NUMB: variants seen among roughly 807,000 people sequenced by gnomAD.
NUMB encodes the protein NUMB endocytic adaptor protein.
NUMB carries 29 observed loss-of-function variants against 59.7 expected under a neutral mutation model. The observed-to-expected ratio is 0.49, with a 90% confidence interval of 0.36 to 0.66. The LOEUF is 0.66. Among genes scored for constraint, NUMB ranks in the 30% least tolerant of loss-of-function variants. NUMB has a pLI of 0.00. For synonymous variants in NUMB, 288 were observed against 288.2 expected, an observed-to-expected ratio of 1.00 and a Z score of 0.01; for missense variants, 723 against 822.0, an observed-to-expected ratio of 0.88 and a Z score of 1.47.
chr14:73,353,891 T>G (rs1893621149), intron 4 of NUMB, among the ~76,000 whole-genome samples: 1 of 151,998 alleles, frequency 6.6e-6, no homozygotes, highest in African/African-American at 2.4e-5. Flanking sequence ...AAGTGTTCAT[T>G]TTTATGTAAG....
At chr14:73,299,450 C>T (rs528143285) in intron 6 of NUMB, 1 of 152,024 alleles carries the variant, frequency 6.6e-6, no homozygotes, top group Admixed American at 6.6e-5. Flanking sequence ...GTTTCCAGCC[C>T]GTTGGCCTGC....
intron 5 of NUMB, among the ~76,000 whole-genome samples, chr14:73,319,940 G>A (rs1160693111): frequency 6.6e-6 from 1 of 152,188 alleles, no homozygotes; most frequent in East Asian, 1.9e-4. Context: ...GACCACCCTG[G>A]CCAACACGGT....
Position 73,322,952 on chromosome 14 carries a change from A to G in NUMB, c.201+178T>C, listed in dbSNP as rs375450943. On this transcript the variant is annotated intron_variant, in intron 5 of 12. Transcript: ENST00000555238. The stretch of plus-strand genomic sequence containing the variant: ...GTAATCCTCCTGCCTCAGCCTCCCA[A>G]AGTGCTAGGATTACAGGAGTGAGCC... 5 of 466,690 alleles carry G rather than the reference A, an allele frequency of 1.1e-5. No homozygotes were observed. The East Asian group carries it at 1.1e-4, about 10-fold the overall frequency. The allele number at this position is 466,690 out of a possible 1,614,324, so 28.9% of individuals were successfully genotyped here. A position where few individuals can be genotyped will look rare whatever the true frequency, so the allele number is the denominator to read the frequency against.
chr14:73,284,925 G>C (rs1594860275), intron 9 of NUMB: 1 of 152,300 alleles, frequency 6.6e-6, no homozygotes, highest in African/African-American at 2.4e-5. Flanking sequence ...TTGGCTCACT[G>C]CAACCTCCAC....
At chr14:73,443,939 CTCTGTCCCCCCACGCAGGA>C (rs1268123394) in intron 1 of NUMB, among the ~76,000 whole-genome samples, 1 of 133,474 alleles carries the variant, frequency 7.5e-6, no homozygotes, top group Non-Finnish European at 1.6e-5. Context: ...CAAAGTCTCA[CTCTGTCCCCCCACGCAGGA>C]GTGCAGTGGC....
At chr14:73,337,716 A>C (rs779805793) in intron 4 of NUMB, among the ~76,000 whole-genome samples, 2 of 152,206 alleles carry the variant, frequency 1.3e-5, no homozygotes, top group Non-Finnish European at 2.9e-5. Context: ...TTCATAGACT[A>C]TATTATTGTG....
At chr14:73,289,664 T>A (rs911874580) in intron 8 of NUMB, among the ~76,000 whole-genome samples, 5 of 152,230 alleles carry the variant, frequency 3.3e-5, no homozygotes, top group African/African-American at 1.2e-4. Flanking sequence ...TTTTTAAAAA[T>A]TTTTAAACTT....
intron 4 of NUMB, among the ~76,000 whole-genome samples, chr14:73,324,813 A>C (rs1486911743): frequency 6.6e-6 from 1 of 152,178 alleles, no homozygotes; most frequent in Non-Finnish European, 1.5e-5. Flanking sequence ...TACTATGGAA[A>C]TGGCAAGGAA....
intron 2 of NUMB, among the ~76,000 whole-genome samples, chr14:73,406,881 A>G (rs1478793207): frequency 6.6e-6 from 1 of 151,998 alleles, no homozygotes; most frequent in African/African-American, 2.4e-5. Context: ...TGTTGGCTGC[A>G]TTAATGTCTT....
intron 7 of NUMB, among the ~76,000 whole-genome samples, chr14:73,293,357 A>ATTTTTCAG (rs1331530709): frequency 2.9e-5 from 4 of 139,188 alleles, no homozygotes; most frequent in Non-Finnish European, 4.7e-5. Flanking sequence ...CAGATACTGT[A>ATTTTTCAG]TTTTTCAGGT....
chr14:73,380,512 A>G lies in NUMB; in HGVS notation c.-100-13531T>C, dbSNP rs116463583. On this transcript the variant is annotated intron_variant, in intron 2 of 12. Transcript: ENST00000555238. ...CTCTAGCACACATGTCACTTTCATC[A>G]TTAAATAGTCTTAACCCCCAACTCT... Among the ~76,000 whole-genome samples, 809 of 152,298 alleles carry G rather than the reference A, an allele frequency of 5.3e-3. 4 individuals are homozygous for G. Among genetic ancestry groups the G allele is most frequent in the African/African-American group, 0.019 (773 of 41,580 alleles).
At chr14:73,405,811 C>T (rs1355936328) in intron 2 of NUMB, among the ~76,000 whole-genome samples, 1 of 152,072 alleles carries the variant, frequency 6.6e-6, no homozygotes, top group African/African-American at 2.4e-5. Context: ...TCTCTCTGTC[C>T]ATAGGAAAGT....
At chr14:73,280,896 G>A (rs1888588153) in intron 11 of NUMB, among the ~76,000 whole-genome samples, 1 of 151,888 alleles carries the variant, frequency 6.6e-6, no homozygotes, top group Non-Finnish European at 1.5e-5. Context: ...GTTTCACCAT[G>A]TTGGCTAGGC....
intron 2 of NUMB, among the ~76,000 whole-genome samples, chr14:73,405,469 A>C (rs1594998526): frequency 1.7e-5 from 2 of 120,570 alleles, no homozygotes; most frequent in African/African-American, 3.3e-5. Context: ...ACAGGATCTC[A>C]CTCTGTTGCC....
intron 4 of NUMB, among the ~76,000 whole-genome samples, chr14:73,343,419 T>C (rs1045150985): frequency 6.6e-6 from 1 of 152,178 alleles, no homozygotes. Flanking sequence ...AAATATGATA[T>C]AGTAACTACG....
chr14:73,427,097 G>A (rs983459164), intron 1 of NUMB, among the ~76,000 whole-genome samples: 1 of 152,166 alleles, frequency 6.6e-6, no homozygotes, highest in African/African-American at 2.4e-5. Context: ...TATTTATAAA[G>A]AAGGCTGAAA....
At chr14:73,398,651 C>T (rs996424626) in intron 2 of NUMB, among the ~76,000 whole-genome samples, 1 of 151,812 alleles carries the variant, frequency 6.6e-6, no homozygotes, top group Admixed American at 6.6e-5. Flanking sequence ...GATGCCCAAC[C>T]TCACAATCAA....
At chr14:73,292,040 G>C (rs1484841346) in intron 8 of NUMB, among the ~76,000 whole-genome samples, 1 of 151,520 alleles carries the variant, frequency 6.6e-6, no homozygotes, top group Non-Finnish European at 1.5e-5. Context: ...TTGTTTTTTT[G>C]TTTTGTTCTG....
At chr14:73,327,409 A>G (rs549822384) in intron 4 of NUMB, among the ~76,000 whole-genome samples, 68 of 152,232 alleles carry the variant, frequency 4.5e-4, no homozygotes, top group African/African-American at 1.4e-3. Flanking sequence ...GGCGTGTGCC[A>G]CCACACCCAG....
Sources: gnomAD v4.1 joint callset for allele counts (sites outside exome capture counted in the v4.1 genomes callset) on GRCh38, gnomAD v4.1.1 for gene constraint, MANE v1.5 for transcripts, NCBI Gene and HGNC (gene_info 2026-07-23, HGNC 2026-07-21) for gene names.